Variants in SAMD5 observed in about 807,000 individuals in gnomAD.
SAMD5 encodes sterile alpha motif domain containing 5.
In SAMD5, 13 loss-of-function variants were observed where a neutral mutation model predicts 11.3. That is an observed-to-expected ratio of 1.15 (90% CI 0.75 to 1.83). SAMD5 has a LOEUF of 1.83. SAMD5 is among the 40% of genes most tolerant of loss of function. The pLI, the probability that SAMD5 is intolerant of heterozygous loss-of-function variation, is 0.00. For synonymous variants in SAMD5, 129 were observed against 111.3 expected (o/e 1.16, Z -1.00); for missense variants, 255 against 239.1 (o/e 1.07, Z -0.44).
At chr6:147,911,883 G>T in the SAMD5 span, among the ~76,000 whole-genome samples, 1 of 152,226 alleles carries the variant, frequency 6.6e-6, no homozygotes, top group South Asian at 2.1e-4. Context: ...ATCTAGAAGG[G>T]CCTCACTCAC....
the SAMD5 span, among the ~76,000 whole-genome samples, chr6:147,839,712 T>A: frequency 2.0e-5 from 3 of 152,174 alleles, no homozygotes; most frequent in African/African-American, 7.2e-5. Flanking sequence ...GTGGCACCAC[T>A]GCACTCCAGC....
intron 1 of SAMD5, among the ~76,000 whole-genome samples, chr6:147,665,215 CT>C (rs1489433759): frequency 1.3e-5 from 2 of 152,110 alleles, no homozygotes; most frequent in Non-Finnish European, 2.9e-5. Flanking sequence ...CAGGGTGCTT[CT>C]TTTTTCATTT....
chr6:147,919,504 T>C, the SAMD5 span, among the ~76,000 whole-genome samples: 1 of 152,208 alleles, frequency 6.6e-6, no homozygotes, highest in African/African-American at 2.4e-5. Context: ...AGAATGAGAT[T>C]TATGACCCTG....
intron 1 of SAMD5, among the ~76,000 whole-genome samples, chr6:147,513,496 A>C (rs1483928557): frequency 1.3e-5 from 2 of 152,178 alleles, no homozygotes; most frequent in Non-Finnish European, 2.9e-5. Context: ...TATTGCCTTC[A>C]GGTTGAAACA....
rs192082041 is a variant in SAMD5 at position 147,654,363 on chromosome 6, C to T, written c.163-82954C>T. On this transcript the variant is annotated intron_variant, in intron 1 of 1. Coordinates refer to the SAMD5 transcript ENST00000566741. The stretch of plus-strand genomic sequence containing the variant: ...CTTTCTATAAAAGTATGAATTTCTC[C>T]GCTAAGTAGTCTGAGAAATTATCTC... Among the ~76,000 whole-genome samples, 121 of 152,124 alleles carry T rather than the reference C, an allele frequency of 8.0e-4. 1 individual carries two copies. Among genetic ancestry groups the T allele is most frequent in the Non-Finnish European group, 8.8e-5 (6 of 68,012 alleles).
chr6:147,941,491 C>T, the SAMD5 span, among the ~76,000 whole-genome samples: 1 of 152,218 alleles, frequency 6.6e-6, no homozygotes. Flanking sequence ...AGGCTTTCAA[C>T]TGCTTACATT....
At chr6:147,619,579 A>G (rs1377404491) in intron 1 of SAMD5, among the ~76,000 whole-genome samples, 1 of 152,230 alleles carries the variant, frequency 6.6e-6, no homozygotes, top group Non-Finnish European at 1.5e-5. Flanking sequence ...CTCTAAATAA[A>G]TAGAATTGAA....
chr6:147,939,536 T>C, the SAMD5 span, among the ~76,000 whole-genome samples: 1 of 152,202 alleles, frequency 6.6e-6, no homozygotes, highest in Non-Finnish European at 1.5e-5. Flanking sequence ...GGAAGCTGTA[T>C]GCCAGAAACC....
chr6:147,645,738 A>G (rs1168585416), intron 1 of SAMD5, among the ~76,000 whole-genome samples: 1 of 152,178 alleles, frequency 6.6e-6, no homozygotes, highest in Non-Finnish European at 1.5e-5. Flanking sequence ...TCAGTGTCAT[A>G]TGAGTTGAGT....
At position 147,567,453 on chromosome 6, in the gene SAMD5, A is replaced by T. The variant is rs1002553084; in HGVS notation, c.*2997A>T. 2 of 983,558 alleles carry T rather than the reference A, an allele frequency of 2.0e-6. No individual in the cohort carries two copies. The highest frequency in any genetic ancestry group is 1.7e-5 in the African/African-American group (1 of 57,182). The allele number at this position is 983,558 out of a possible 1,614,324, so 60.9% of individuals were successfully genotyped here. Reference sequence around the variant, plus strand: ...TTTTCCTGCGGTGAATCTGTTAAGGATGTAAGCTATAGTGTAGCTTGGGGA... The same window carrying T: ...TTTTCCTGCGGTGAATCTGTTAAGGTTGTAAGCTATAGTGTAGCTTGGGGA... On this transcript the variant is annotated 3_prime_UTR_variant, in exon 2 of 2. Coordinates refer to ENST00000367474, the MANE Select transcript of SAMD5 (RefSeq NM_001030060.3).
At chr6:147,617,574 G>A (rs1005421845) in intron 1 of SAMD5, among the ~76,000 whole-genome samples, 7 of 152,220 alleles carry the variant, frequency 4.6e-5, no homozygotes, top group African/African-American at 1.2e-4. Context: ...CAGCTACATG[G>A]CAGTATCTAT....
chr6:147,609,995 T>C (rs533014566), intron 1 of SAMD5, among the ~76,000 whole-genome samples: 2 of 152,340 alleles, frequency 1.3e-5, no homozygotes, highest in East Asian at 1.9e-4. Context: ...GTCTCTTTTG[T>C]TGTTTTCATC....
At chr6:147,905,436 C>T in the SAMD5 span, among the ~76,000 whole-genome samples, 5 of 152,198 alleles carry the variant, frequency 3.3e-5, no homozygotes, top group African/African-American at 9.6e-5. Context: ...CTACTTTGGC[C>T]TCCCAAAGTG....
intron 1 of SAMD5, among the ~76,000 whole-genome samples, chr6:147,525,214 C>T (rs1788318298): frequency 6.7e-6 from 1 of 149,668 alleles, no homozygotes; most frequent in Admixed American, 6.7e-5. Context: ...AATAACTGCT[C>T]AATCAGTAGG....
intron 1 of SAMD5, among the ~76,000 whole-genome samples, chr6:147,523,510 T>C (rs1348702380): frequency 6.6e-6 from 1 of 152,142 alleles, no homozygotes; most frequent in African/African-American, 2.4e-5. Context: ...AATAAAGATA[T>C]AGCCACTTTA....
chr6:147,763,433 A>C, the SAMD5 span, among the ~76,000 whole-genome samples: 102 of 150,950 alleles, frequency 6.8e-4, no homozygotes, highest in African/African-American at 2.3e-3. Flanking sequence ...AAGTGCTGGG[A>C]TTACAGGTGT....
At chr6:147,752,357 T>C in the SAMD5 span, among the ~76,000 whole-genome samples, 1 of 152,208 alleles carries the variant, frequency 6.6e-6, no homozygotes. Flanking sequence ...TTCTAACTCT[T>C]GAAGTTTAAA....
Position 147,515,176 on chromosome 6 carries a change from G to GTTTTT in SAMD5, c.459+5816_459+5820dup, listed in dbSNP as rs71031029. Among the ~76,000 whole-genome samples the GTTTTT allele has an allele frequency of 5.7e-4, 43 of 75,036 alleles. 2 individuals are homozygous for GTTTTT. The highest frequency in any genetic ancestry group is 1.3e-3 in the East Asian group (3 of 2,242). The allele number at this position is 75,036 out of a possible 152,430, so 49.2% of individuals were successfully genotyped here. ...ATACCCTCAACCTATATCCTTCCAG[G>GTTTTT]TTTTTTTTTTTTTTTTTTTTTTTTT... On this transcript the variant is annotated intron_variant, in intron 1 of 1. Coordinates refer to ENST00000367474, the MANE Select transcript of SAMD5 (RefSeq NM_001030060.3).
chr6:147,664,189 A>T (rs1344296368), intron 1 of SAMD5, among the ~76,000 whole-genome samples: 2 of 152,154 alleles, frequency 1.3e-5, no homozygotes, highest in African/African-American at 4.8e-5. Context: ...AACTTGAAAC[A>T]GTGAGGAGAC....
Sources: allele counts gnomAD v4.1 joint callset (sites outside exome capture counted in the v4.1 genomes callset), GRCh38; gene constraint gnomAD v4.1.1; transcripts MANE v1.5; gene names NCBI Gene and HGNC (gene_info 2026-07-23, HGNC 2026-07-21).